Variants in TACC2 observed in about 807,000 individuals in gnomAD.
TACC2 encodes the protein transforming acidic coiled-coil-containing protein 2.
TACC2 carries 137 observed loss-of-function variants against 227.3 expected under a neutral mutation model. The observed-to-expected ratio is 0.60, with a 90% confidence interval of 0.52 to 0.69. The LOEUF (loss-of-function observed/expected upper bound fraction) is 0.69. TACC2 is among the 30% of genes least tolerant of loss of function. The pLI is 0.00. For synonymous variants in TACC2, 1,523 were observed against 1,487.5 expected (o/e 1.02, Z -0.55); for missense variants, 3,470 against 3,694.4 (o/e 0.94, Z 1.57).
intron 10 of TACC2, among the ~76,000 whole-genome samples, 198 bp downstream of exon 10, chr10:122,215,649 C>T (rs1255672478): frequency 6.6e-6 from 1 of 151,982 alleles, no homozygotes; most frequent in African/African-American, 2.4e-5. Flanking sequence ...GAGTGTGTCC[C>T]GAGAGTGGGA....
At chr10:122,054,105 C>T (rs550783217) in intron 3 of TACC2, among the ~76,000 whole-genome samples, 2 of 152,342 alleles carry the variant, frequency 1.3e-5, no homozygotes, top group South Asian at 4.1e-4. Context: ...CTCCTCGAGG[C>T]TCTTCCCTCC....
In TACC2 at chr10:122,022,005, G is replaced by C. The variant is rs886895560; in HGVS notation, c.24G>C (p.Ser8=). 6.2e-7 allele frequency: 1 copy of C among 1,614,066 alleles called. No individual in the cohort carries two copies. Among genetic ancestry groups the C allele is most frequent in the Non-Finnish European group, 8.5e-7 (1 of 1,180,010 alleles). Residue 8 remains serine, a synonymous_variant, in exon 2 of 23, where the codon TCG becomes TCC. Coordinates refer to ENST00000369005, the MANE Select transcript of TACC2 (RefSeq NM_206862.4). ...ACATGGGCAATGAGAACAGCACCTC[G>C]GACAACCAGGTGGGTGTCAGGAAGC... MGNENST[S]DNQRTLSAQT... is the part of the protein sequence containing the mutation.
rs1057319357 is a variant in TACC2 at position 122,205,760 on chromosome 10, G to T, written c.5972-4637G>T. ...GTCTGGGGTTTTAATGAGTGTCTCA[G>T]GTGTGTCTTAGGCTAGACAAATTTG... On this transcript the variant is annotated intron_variant, in intron 8 of 22. Coordinates refer to ENST00000369005, the MANE Select transcript of TACC2 (RefSeq NM_206862.4). This position sits in a 1 kb window ranked among gnomAD's most constrained non-coding sequence, Gnocchi z 4.5. Among the ~76,000 whole-genome samples, 9 of 152,182 alleles carry T rather than the reference G, an allele frequency of 5.9e-5. No individual in the cohort carries two copies. The highest frequency in any genetic ancestry group is 2.2e-4 in the African/African-American group (9 of 41,452).
intron 1 of TACC2, among the ~76,000 whole-genome samples, chr10:121,993,271 A>G (rs1403076474): frequency 2.0e-5 from 3 of 152,236 alleles, no homozygotes; most frequent in African/African-American, 7.2e-5. Flanking sequence ...AAATGTGTGA[A>G]AAAAAGGAGT....
At chr10:122,037,115 C>G (rs1459998958) in intron 2 of TACC2, among the ~76,000 whole-genome samples, 1 of 152,076 alleles carries the variant, frequency 6.6e-6, no homozygotes, top group Non-Finnish European at 1.5e-5. Context: ...AAGGAACATT[C>G]TGGAATAAGG....
rs1224202036 is a variant in TACC2 at position 122,211,090 on chromosome 10, G to A, written c.6665G>A (p.Arg2222Lys). The change falls in exon 9 of 23, where the codon AGA becomes AAA. Residue 2222 changes from arginine to lysine, a missense_variant. Coordinates refer to ENST00000369005, the MANE Select transcript of TACC2 (RefSeq NM_206862.4). ...GVVPPASGGG[R>K]VQNSPPVGRK... ...GTCCCCCCGGCTTCTGGAGGTGGCA[G>A]AGTGCAGAACTCACCCCCTGTCGGG... 1 of 1,612,874 alleles carries A rather than the reference G, an allele frequency of 6.2e-7. No homozygotes were observed. The highest frequency in any genetic ancestry group is 8.5e-7 in the Non-Finnish European group (1 of 1,179,524).
intron 4 of TACC2, 106 bp downstream of exon 4, chr10:122,088,065 C>G: frequency 8.0e-7 from 1 of 1,242,856 alleles, no homozygotes; most frequent in Non-Finnish European, 1.1e-6. Flanking sequence ...TTTCTAAAAG[C>G]TGAGTTTTCC....
At chr10:122,211,852 C>G (rs999568725) in intron 9 of TACC2, 144 bp downstream of exon 9, 4 of 634,190 alleles carry the variant, frequency 6.3e-6, no homozygotes, top group Admixed American at 3.7e-5. Flanking sequence ...GCCGTTGCAC[C>G]AAGCAGACAA....
In TACC2 at chr10:122,086,509, A is replaced by G. The variant is rs755573981; in HGVS notation, c.4009A>G (p.Lys1337Glu). 26 of 1,613,228 alleles carry G rather than the reference A, an allele frequency of 1.6e-5. No homozygotes were observed. The highest frequency in any genetic ancestry group is 2.2e-5 in the Non-Finnish European group (26 of 1,179,800). The change falls in exon 4 of 23, where the codon AAG becomes GAG. Residue 1337 changes from lysine (K) to glutamate (E), a missense_variant. Around this residue, in one of 10 missense-constraint regions of TACC2, gnomAD observed 1,924 missense variants for 1,978.3 expected, o/e 0.97. Coordinates refer to ENST00000369005, the MANE Select transcript of TACC2 (RefSeq NM_206862.4). ...PCLDRMPLLA[K>E]GKQATGEEKA... ...CCTGGACCGGATGCCACTTCTGGCC[A>G]AGGGCAAGCAGGCAACAGGGGAAGA...
intron 1 of TACC2, among the ~76,000 whole-genome samples, chr10:122,012,543 C>T (rs1303746069): frequency 6.6e-6 from 1 of 151,904 alleles, no homozygotes; most frequent in Non-Finnish European, 1.5e-5. Context: ...CATGAGCCAC[C>T]ACTCCCAGCC....
chr10:122,024,571 C>T (rs1201048837), intron 2 of TACC2, among the ~76,000 whole-genome samples: 1 of 152,180 alleles, frequency 6.6e-6, no homozygotes, highest in African/African-American at 2.4e-5. Flanking sequence ...CATCCCTAAC[C>T]CCTGGCAACC....
At chr10:122,247,695 C>T (rs941736908) in intron 19 of TACC2, 1 of 152,186 alleles carries the variant, frequency 6.6e-6, no homozygotes, top group Non-Finnish European at 1.5e-5. Context: ...GGGAGCTACA[C>T]ATTGGGTACA....
chr10:122,137,353 CG>C (rs2089870582), intron 6 of TACC2, among the ~76,000 whole-genome samples: 1 of 150,392 alleles, frequency 6.6e-6, no homozygotes, highest in African/African-American at 2.4e-5. Context: ...TGTGGTGGTG[CG>C]TGCCTGTAGT....
Position 122,210,138 on chromosome 10 carries a change from A to C in TACC2, c.5972-259A>C, listed in dbSNP as rs2095254502. ...ACTTGGTGAATGTTTTTGAATGAAT[A>C]CTCTGAGCTGTTCTTTAATCGGTCC... On this transcript the variant is annotated intron_variant, in intron 8 of 22. Transcript: ENST00000369005. The surrounding 1 kb of genome is among the most constrained non-coding windows in gnomAD (Gnocchi z 4.6). 1 of 543,988 alleles carries C rather than the reference A, an allele frequency of 1.8e-6. No individual in the cohort carries two copies. Among genetic ancestry groups the C allele is most frequent in the Non-Finnish European group, 3.3e-6 (1 of 300,116 alleles). 33.7% of individuals were successfully genotyped at this position (543,988 alleles called of 1,614,324 possible).
chr10:122,189,383 C>T (rs978257715), intron 7 of TACC2, among the ~76,000 whole-genome samples: 1 of 152,184 alleles, frequency 6.6e-6, no homozygotes, highest in African/African-American at 2.4e-5. Flanking sequence ...AGGTCTCCCT[C>T]TCTCTTCAGG....
At chr10:122,109,238 A>G (rs1205390400) in intron 5 of TACC2, among the ~76,000 whole-genome samples, 1 of 152,156 alleles carries the variant, frequency 6.6e-6, no homozygotes, top group Non-Finnish European at 1.5e-5. Flanking sequence ...TGTTTTGTAT[A>G]GTGGTTGTAC....
chr10:122,208,332 C>A (rs2095194577), intron 8 of TACC2, among the ~76,000 whole-genome samples: 1 of 152,216 alleles, frequency 6.6e-6, no homozygotes, highest in Non-Finnish European at 1.5e-5. Flanking sequence ...AGTTCCTGAA[C>A]TCAAGAACCT....
At chr10:122,030,210 A>G (rs902609764) in intron 2 of TACC2, among the ~76,000 whole-genome samples, 7 of 152,212 alleles carry the variant, frequency 4.6e-5, no homozygotes. Context: ...TTAACCTGAG[A>G]TGAATTTCTA....
At chr10:122,230,299 A>G (rs180797374) in intron 15 of TACC2, 52 bp from the exon 16 acceptor site, 21 of 1,458,288 alleles carry the variant, frequency 1.4e-5, no homozygotes, top group Middle Eastern at 1.7e-4. Flanking sequence ...GAAACCATTG[A>G]CGTCTGTCTT....
Sources: gnomAD v4.1 joint callset for allele counts (sites outside exome capture counted in the v4.1 genomes callset) on GRCh38, gnomAD v4.1.1 for gene constraint, gnomAD v4.1.1 regional missense constraint, Gnocchi (gnomAD v3.1) non-coding constraint, MANE v1.5 for transcripts, NCBI Gene and HGNC (gene_info 2026-07-23, HGNC 2026-07-21) for gene names.